NRG1: variants seen among roughly 807,000 people sequenced by gnomAD.
NRG1 encodes the protein neuregulin 1.
Under a neutral mutation model 63.8 loss-of-function variants are expected in NRG1, and 18 were observed. That is an observed-to-expected ratio of 0.28 (90% CI 0.19 to 0.42). NRG1 has a LOEUF of 0.42. Among genes scored for constraint, NRG1 ranks in the 10% least tolerant of loss-of-function variants. The pLI, the probability that NRG1 is intolerant of heterozygous loss-of-function variation, is 1.00. For synonymous variants in NRG1, 302 were observed against 301.3 expected, an observed-to-expected ratio of 1.00 and a Z score of -0.02; for missense variants, 762 against 814.7, an observed-to-expected ratio of 0.94 and a Z score of 0.79.
chr8:32,730,705 A>G (rs1362032408), intron 6 of NRG1, among the ~76,000 whole-genome samples: 1 of 152,178 alleles, frequency 6.6e-6, no homozygotes, highest in Non-Finnish European at 1.5e-5. Context: ...ATCATAGCAA[A>G]TTGGGATGAA....
intron 1 of NRG1, among the ~76,000 whole-genome samples, chr8:31,795,047 C>T (rs1413672187): frequency 6.6e-6 from 1 of 152,164 alleles, no homozygotes; most frequent in Non-Finnish European, 1.5e-5. Flanking sequence ...AAGTGATACG[C>T]CTGCCTTAGC....
chr8:31,708,681 G>A (rs1811414125), intron 1 of NRG1, among the ~76,000 whole-genome samples: 1 of 151,872 alleles, frequency 6.6e-6, no homozygotes, highest in African/African-American at 2.4e-5. Flanking sequence ...TCCTGACCTC[G>A]TGATCCGCCC....
intron 1 of NRG1, among the ~76,000 whole-genome samples, chr8:32,228,476 G>A (rs1209460432): frequency 1.3e-5 from 2 of 151,898 alleles, no homozygotes; most frequent in Non-Finnish European, 2.9e-5. Flanking sequence ...GTTAGTTTCA[G>A]TATAAAAAAG....
intron 1 of NRG1, among the ~76,000 whole-genome samples, chr8:32,323,468 A>T (rs1283715141): frequency 6.6e-6 from 1 of 152,238 alleles, no homozygotes; most frequent in East Asian, 1.9e-4. Context: ...AGCATGCAGC[A>T]GTTCAGAGAC....
intron 1 of NRG1, among the ~76,000 whole-genome samples, chr8:31,704,870 T>A (rs1271972512): frequency 6.6e-6 from 1 of 151,300 alleles, no homozygotes; most frequent in Non-Finnish European, 1.5e-5. Context: ...ACTATGATTC[T>A]CTCTCTCAAA....
At chr8:31,851,915 A>G (rs1039655803) in intron 1 of NRG1, among the ~76,000 whole-genome samples, 8 of 151,300 alleles carry the variant, frequency 5.3e-5, no homozygotes, top group Non-Finnish European at 1.2e-4. Context: ...AATTTCATCC[A>G]TGTCCCTACA....
intron 1 of NRG1, among the ~76,000 whole-genome samples, chr8:31,703,107 C>T (rs1187103107): frequency 6.8e-6 from 1 of 146,856 alleles, no homozygotes; most frequent in Non-Finnish European, 1.5e-5. Flanking sequence ...TATGTTGTTT[C>T]TATCAATACA....
intron 1 of NRG1, among the ~76,000 whole-genome samples, chr8:32,381,705 T>A (rs1810377707): frequency 6.6e-6 from 1 of 152,154 alleles, no homozygotes; most frequent in Non-Finnish European, 1.5e-5. Flanking sequence ...CAATTATAAA[T>A]CAGCTATGGT....
Position 31,681,971 on chromosome 8 carries a change from C to T in NRG1, c.37+42540C>T, listed in dbSNP as rs1036862971. ...TGCTGCATCAGTATTACCCAAAGTC[C>T]ATAGTTTACATTAGGGTCTGCTCTT... On this transcript the variant is annotated intron_variant, in intron 1 of 10. Coordinates refer to the NRG1 transcript ENST00000519301. Among the ~76,000 whole-genome samples the T allele has an allele frequency of 2.0e-5, 3 of 152,182 alleles. No homozygotes were observed. The South Asian group carries it at 6.2e-4, about 32-fold the overall frequency.
intron 1 of NRG1, among the ~76,000 whole-genome samples, chr8:32,194,238 A>G (rs1416336868): frequency 6.6e-6 from 1 of 152,238 alleles, no homozygotes; most frequent in Non-Finnish European, 1.5e-5. Flanking sequence ...CAGTAAACCC[A>G]TCCACCTAGG....
intron 1 of NRG1, among the ~76,000 whole-genome samples, chr8:31,642,469 A>G (rs1803890977): frequency 6.6e-6 from 1 of 152,228 alleles, no homozygotes; most frequent in African/African-American, 2.4e-5. Flanking sequence ...AATAAATGTA[A>G]GACTTGAGAG....
At chr8:31,809,741 G>GTTTTTTTTTTTTTTTTTTTTTTTTTTATT (rs753730069) in intron 1 of NRG1, among the ~76,000 whole-genome samples, 1 of 68,018 alleles carries the variant, frequency 1.5e-5, no homozygotes, top group African/African-American at 6.6e-5. Context: ...TCTATTAATT[G>GTTTTTTTTTTTTTTTTTTTTTTTTTTATT]TTTTTTTTTT....
At chr8:31,756,509 T>C (rs555686249) in intron 1 of NRG1, among the ~76,000 whole-genome samples, 1 of 152,216 alleles carries the variant, frequency 6.6e-6, no homozygotes, top group East Asian at 1.9e-4. Context: ...CTGCCCATCA[T>C]GGAAAGCGGA....
intron 1 of NRG1, among the ~76,000 whole-genome samples, chr8:32,208,909 A>T (rs1268726705): frequency 1.3e-5 from 2 of 152,196 alleles, no homozygotes; most frequent in Non-Finnish European, 2.9e-5. Context: ...TTTCTTATAC[A>T]TACCTTCCAA....
chr8:32,773,316 T>C (rs987064238), intron 7 of NRG1, among the ~76,000 whole-genome samples: 6 of 152,138 alleles, frequency 3.9e-5, no homozygotes, highest in Admixed American at 3.9e-4. Flanking sequence ...TCTGTTTGCC[T>C]GAGGTGTTAG....
Position 31,640,749 on chromosome 8 carries a change from G to A in NRG1, c.37+1318G>A. The stretch of plus-strand genomic sequence containing the variant: ...GGTGCGGTAAGTTCCTCGCCCTTGG[G>A]GGCGCGAACCCGCGGCGAGGAGGGC... On this transcript the variant is annotated intron_variant, in intron 1 of 10. Transcript: ENST00000519301. The surrounding 1 kb of genome is among the most constrained non-coding windows in gnomAD (Gnocchi z 6.3). 1.3e-6 allele frequency: 2 copies of A among 1,506,150 alleles called. No individual in the cohort carries two copies. Among genetic ancestry groups the A allele is most frequent in the Non-Finnish European group, 1.8e-6 (2 of 1,126,252 alleles). The allele number at this position is 1,506,150 out of a possible 1,614,324, so 93.3% of individuals were successfully genotyped here.
intron 1 of NRG1, among the ~76,000 whole-genome samples, chr8:32,263,664 A>G (rs1850621561): frequency 6.6e-6 from 1 of 152,168 alleles, no homozygotes; most frequent in Non-Finnish European, 1.5e-5. Flanking sequence ...AACTTTTTAA[A>G]AAAATATTTT....
At position 32,305,791 on chromosome 8, in the gene NRG1, G is replaced by C. The variant is rs561197957; in HGVS notation, c.38-290037G>C. On this transcript the variant is annotated intron_variant, in intron 1 of 10. Coordinates refer to the NRG1 transcript ENST00000519301. ...ACCTTAAGCCCATTTTTTGTAGTTA[G>C]TAAATAAGACTTCTTCCCAAAGTCA... is the stretch of plus-strand genomic sequence containing the variant. Among the ~76,000 whole-genome samples the C allele has an allele frequency of 3.4e-4, 52 of 152,256 alleles. No homozygotes were observed. In the South Asian group the frequency reaches 0.01, roughly 30 times the overall value.
At chr8:32,717,245 A>C (rs1459907047) in intron 5 of NRG1, among the ~76,000 whole-genome samples, 1 of 152,172 alleles carries the variant, frequency 6.6e-6, no homozygotes, top group Non-Finnish European at 1.5e-5. Flanking sequence ...GGGGGTGGCA[A>C]GAAAAAAAAG....
Sources: gnomAD v4.1 joint callset for allele counts (sites outside exome capture counted in the v4.1 genomes callset) on GRCh38, gnomAD v4.1.1 for gene constraint, Gnocchi (gnomAD v3.1) non-coding constraint, MANE v1.5 for transcripts, NCBI Gene and HGNC (gene_info 2026-07-23, HGNC 2026-07-21) for gene names.